TNRC6A: variants seen among roughly 807,000 people sequenced by gnomAD.
TNRC6A encodes trinucleotide repeat containing adaptor 6A, also known as trinucleotide repeat-containing gene 6A protein.
A neutral mutation model predicts 221.2 loss-of-function variants in TNRC6A; 44 were observed. That is an observed-to-expected ratio of 0.20 (90% CI 0.16 to 0.26). The LOEUF (loss-of-function observed/expected upper bound fraction) is 0.26, where lower values mean the gene tolerates loss of function less well. Ranked by LOEUF, TNRC6A falls within the 10% of genes least tolerant of loss-of-function variation. TNRC6A has a pLI of 1.00. For missense variants in TNRC6A, 2,199 were observed against 2,404.4 expected (o/e 0.91, Z 1.79); for synonymous variants, 847 against 838.5 (o/e 1.01, Z -0.18).
intron 4 of TNRC6A, among the ~76,000 whole-genome samples, chr16:24,768,299 C>G (rs1034433691): frequency 5.3e-5 from 8 of 151,634 alleles, no homozygotes; most frequent in Non-Finnish European, 8.8e-5. Flanking sequence ...GGCGTGGTGG[C>G]GGGCGCGCCT....
At chr16:24,641,208 A>G (rs752649043) in intron 2 of TNRC6A, among the ~76,000 whole-genome samples, 15 of 152,202 alleles carry the variant, frequency 9.9e-5, no homozygotes, top group Admixed American at 2.6e-4. Context: ...CCAATGTACC[A>G]TCACCCCACG....
intron 2 of TNRC6A, among the ~76,000 whole-genome samples, chr16:24,689,083 C>A (rs568830772): frequency 4.6e-5 from 7 of 152,066 alleles, no homozygotes; most frequent in Admixed American, 1.3e-4. Flanking sequence ...ACAAAATAAA[C>A]AAACAAAAAA....
At chr16:24,627,095 G>A in intron 1 of TNRC6A, among the ~76,000 whole-genome samples, 1 of 151,866 alleles carries the variant, frequency 6.6e-6, no homozygotes, top group East Asian at 1.9e-4. Context: ...ATATTCTAGA[G>A]ATGGGACCCT....
At chr16:24,810,113 C>G (rs1436094562) in intron 18 of TNRC6A, among the ~76,000 whole-genome samples, 2 of 152,202 alleles carry the variant, frequency 1.3e-5, no homozygotes, top group Non-Finnish European at 2.9e-5. Flanking sequence ...GCACCTGGCC[C>G]ATAATTTTAT....
intron 2 of TNRC6A, among the ~76,000 whole-genome samples, chr16:24,657,029 G>A (rs1284598127): frequency 1.3e-5 from 2 of 151,874 alleles, no homozygotes; most frequent in African/African-American, 4.8e-5. Flanking sequence ...AAACTCTAGA[G>A]AGGCGGGGCA....
chr16:24,795,835 G>T, intron 8 of TNRC6A, 72 bp from the exon 9 acceptor site: 1 of 1,426,026 alleles, frequency 7.0e-7, no homozygotes, highest in South Asian at 1.5e-5. Flanking sequence ...CTTAAGTTTA[G>T]GTCTTCCAGT....
intron 2 of TNRC6A, among the ~76,000 whole-genome samples, chr16:24,701,368 CTTT>C (rs397854971): frequency 7.4e-6 from 1 of 135,560 alleles, no homozygotes; most frequent in Non-Finnish European, 1.6e-5. Flanking sequence ...ACTTTTTTTT[CTTT>C]TTTTTTTTTT....
intron 2 of TNRC6A, among the ~76,000 whole-genome samples, chr16:24,745,794 A>G (rs1176909600): frequency 2.0e-5 from 1 of 49,892 alleles, no homozygotes; most frequent in African/African-American, 8.5e-5. Context: ...GGTATGTACC[A>G]TCCCCCCCCC....
intron 2 of TNRC6A, among the ~76,000 whole-genome samples, chr16:24,695,557 G>T (rs993839442): frequency 4.0e-5 from 6 of 151,862 alleles, no homozygotes; most frequent in African/African-American, 7.3e-5. Flanking sequence ...GCACCACCAC[G>T]CCCGGCTAAT....
intron 5 of TNRC6A, among the ~76,000 whole-genome samples, chr16:24,783,159 C>T (rs1377382814): frequency 1.3e-5 from 2 of 151,476 alleles, no homozygotes; most frequent in African/African-American, 4.9e-5. Context: ...CAAACAGTCT[C>T]GCTCTGTTGC....
chr16:24,751,756 T>C (rs546031030), intron 3 of TNRC6A, among the ~76,000 whole-genome samples: 5 of 152,220 alleles, frequency 3.3e-5, no homozygotes, highest in African/African-American at 1.2e-4. Context: ...AAGATACTTA[T>C]GTCCACATTA....
intron 1 of TNRC6A, among the ~76,000 whole-genome samples, chr16:24,616,849 T>C (rs1005517955): frequency 2.0e-5 from 3 of 151,928 alleles, no homozygotes; most frequent in African/African-American, 7.3e-5. Flanking sequence ...TGAACCCTGA[T>C]GGCAGAGGTT....
At chr16:24,695,781 A>AAC (rs1161430897) in intron 2 of TNRC6A, among the ~76,000 whole-genome samples, 3 of 152,104 alleles carry the variant, frequency 2.0e-5, no homozygotes, top group African/African-American at 7.2e-5. Context: ...TTTCAAGCAA[A>AAC]ACACGGGATT....
intron 2 of TNRC6A, among the ~76,000 whole-genome samples, chr16:24,668,535 G>C (rs1028600236): frequency 3.6e-4 from 55 of 152,216 alleles, no homozygotes; most frequent in African/African-American, 1.2e-3. Context: ...AACTACTTAA[G>C]CAGTCTGAAA....
In TNRC6A at chr16:24,805,021, A is replaced by G. The variant is rs779118722; in HGVS notation, c.3992A>G (p.Asn1331Ser). Residue 1331 changes from asparagine to serine, a missense_variant, in exon 14 of 25, where the codon AAT becomes AGT. By Grantham distance (46) the Asn-to-Ser change is conservative. Transcript: ENST00000395799. ...QNLNSVRQNG[N>S]PSMFGVGNTA... ...TGCTGTTTGTTTTTATAGAATGGCAATCCCAGTATGTTTGGTGTTGGAAAC... is the reference window on the plus strand; with the variant it reads ...TGCTGTTTGTTTTTATAGAATGGCAGTCCCAGTATGTTTGGTGTTGGAAAC... 2.5e-6 allele frequency: 4 copies of G among 1,614,178 alleles called. No homozygotes were observed. In the South Asian group the frequency reaches 3.3e-5, roughly 13 times the overall value.
intron 16 of TNRC6A, 42 bp downstream of exon 16, chr16:24,806,325 A>AT (rs2058431371): frequency 1.2e-6 from 2 of 1,605,378 alleles, no homozygotes; most frequent in African/African-American, 2.7e-5. Flanking sequence ...CTTTGTGTTA[A>AT]TAAACTCTGC....
Position 24,710,797 on chromosome 16 carries a change from C to A in TNRC6A, n.403-39929C>A, listed in dbSNP as rs187282232. The stretch of plus-strand genomic sequence containing the variant: ...TGCGATCGTGGCTCACTGCAACCTC[C>A]GCCTCCCGAGTTCAAGTGATTCTCC... On this transcript the variant is annotated intron_variant and non_coding_transcript_variant, in intron 2 of 2. Coordinates refer to the TNRC6A transcript ENST00000566108. Among the ~76,000 whole-genome samples, 36 of 151,874 alleles carry A rather than the reference C, an allele frequency of 2.4e-4. No homozygotes were observed. The East Asian group carries it at 6.2e-3, about 26-fold the overall frequency.
chr16:24,676,145 C>A lies in TNRC6A; in HGVS notation n.402+35136C>A, dbSNP rs2055416916. Among the ~76,000 whole-genome samples, 3 of 151,996 alleles carry A rather than the reference C, an allele frequency of 2.0e-5. No individual in the cohort carries two copies. In the South Asian group the frequency reaches 6.2e-4, roughly 32 times the overall value. ...AAAAGAATCAAAAATGATTTACACCCACTTATCTCCATTTGCTCACCTCTC... is the reference window on the plus strand; with the variant it reads ...AAAAGAATCAAAAATGATTTACACCAACTTATCTCCATTTGCTCACCTCTC... On this transcript the variant is annotated intron_variant and non_coding_transcript_variant, in intron 2 of 2. Coordinates refer to the TNRC6A transcript ENST00000566108.
intron 2 of TNRC6A, among the ~76,000 whole-genome samples, chr16:24,698,792 C>A (rs1252971197): frequency 1.3e-5 from 2 of 152,126 alleles, no homozygotes; most frequent in African/African-American, 2.4e-5. Flanking sequence ...CTCACTGCAA[C>A]CTCTGCCTCC....
Sources: gnomAD v4.1 joint callset for allele counts (sites outside exome capture counted in the v4.1 genomes callset) on GRCh38, gnomAD v4.1.1 for gene constraint, MANE v1.5 for transcripts, NCBI Gene and HGNC (gene_info 2026-07-23, HGNC 2026-07-21) for gene names.